The following SDHC variants were observed in gnomAD, a reference collection of about 807,000 sequenced individuals.
The protein encoded by SDHC is succinate dehydrogenase complex subunit C, also known as succinate dehydrogenase cytochrome b560 subunit, mitochondrial.
SDHC carries 11 observed loss-of-function variants against 22.6 expected under a neutral mutation model. The observed-to-expected ratio is 0.49, with a 90% CI of 0.31 to 0.81. The LOEUF (loss-of-function observed/expected upper bound fraction) is 0.81. Ranked by LOEUF, SDHC falls within the 30% of genes least tolerant of loss-of-function variation. SDHC has a pLI of 0.05. For synonymous variants in SDHC, 80 were observed against 77.8 expected (o/e 1.03, Z -0.15); for missense variants, 160 against 212.0 (o/e 0.75, Z 1.52).
chr1:161,358,819 G>A (rs1415422458), intron 5 of SDHC, among the ~76,000 whole-genome samples: 2 of 151,922 alleles, frequency 1.3e-5, no homozygotes, highest in Non-Finnish European at 2.9e-5. Flanking sequence ...CCAGCTACTC[G>A]GGAGGCTGAG....
At chr1:161,333,722 A>G (rs1309955285) in intron 3 of SDHC, among the ~76,000 whole-genome samples, 1 of 152,174 alleles carries the variant, frequency 6.6e-6, no homozygotes, top group African/African-American at 2.4e-5. Flanking sequence ...ATTTTGAGGA[A>G]CTACCAGACT....
chr1:161,328,335 A>T, intron 2 of SDHC, 61 bp from the exon 3 acceptor site: 1 of 1,314,342 alleles, frequency 7.6e-7, no homozygotes, highest in Non-Finnish European at 1.1e-6. Flanking sequence ...ATAAAACGTT[A>T]TGCAAAATAT....
intron 3 of SDHC, among the ~76,000 whole-genome samples, chr1:161,331,353 C>T (rs527331838): frequency 5.9e-5 from 9 of 152,098 alleles, no homozygotes; most frequent in South Asian, 2.1e-4. Flanking sequence ...TTGCAACCTC[C>T]GCCTCCCAGG....
intron 5 of SDHC, among the ~76,000 whole-genome samples, chr1:161,358,627 C>A (rs1174219234): frequency 6.9e-6 from 1 of 144,422 alleles, no homozygotes; most frequent in Non-Finnish European, 1.5e-5. Flanking sequence ...ACAGAGTGAC[C>A]CCATCTAAAA....
intron 3 of SDHC, among the ~76,000 whole-genome samples, chr1:161,332,453 A>G (rs1671311932): frequency 6.6e-6 from 1 of 152,126 alleles, no homozygotes; most frequent in Non-Finnish European, 1.5e-5. Flanking sequence ...ACAAGTTTTT[A>G]ATAACATGTT....
At chr1:161,321,868 C>G (rs562379455) in intron 1 of SDHC, among the ~76,000 whole-genome samples, 4 of 152,078 alleles carry the variant, frequency 2.6e-5, no homozygotes, top group Non-Finnish European at 5.9e-5. Flanking sequence ...TTTGTAGAAT[C>G]AATGTGTTTT....
intron 3 of SDHC, among the ~76,000 whole-genome samples, chr1:161,334,057 T>G: frequency 6.6e-6 from 1 of 152,200 alleles, no homozygotes; most frequent in Non-Finnish European, 1.5e-5. Context: ...TACCTTATAG[T>G]TCTGTGGGTC....
chr1:161,362,224 TG>T, intron 5 of SDHC, 104 bp from the exon 6 acceptor site: 1 of 1,359,298 alleles, frequency 7.4e-7, no homozygotes, highest in Non-Finnish European at 1.0e-6. Context: ...AGAATCATGC[TG>T]AGAGGAGATA....
intron 3 of SDHC, chr1:161,339,580 C>G: frequency 3.2e-6 from 4 of 1,262,666 alleles, no homozygotes; most frequent in Non-Finnish European, 4.1e-6. Context: ...GTGATGCAGT[C>G]TGGTAAAGGT....
Position 161,340,590 on chromosome 1 carries a change from A to G in SDHC, c.180-4A>G. 1.2e-6 allele frequency: 2 copies of G among 1,613,176 alleles called. No homozygotes were observed. Among genetic ancestry groups the G allele is most frequent in the Non-Finnish European group, 8.5e-7 (1 of 1,179,284 alleles). On this transcript the variant is annotated splice_polypyrimidine_tract_variant and splice_region_variant and intron_variant, in intron 3 of 5. Coordinates refer to ENST00000367975, the MANE Select transcript of SDHC (RefSeq NM_003001.5). The stretch of plus-strand genomic sequence containing the variant: ...TAAAATTGTCTTTGTGTGTTTCTTT[A>G]CAGTTGGTCTCTTCCCATGGCGATG...
intron 4 of SDHC, among the ~76,000 whole-genome samples, chr1:161,349,154 G>A (rs1672011927): frequency 6.6e-6 from 1 of 152,066 alleles, no homozygotes; most frequent in South Asian, 2.1e-4. Flanking sequence ...GGTCCTGCAT[G>A]TTTTGGGTAG....
intron 1 of SDHC, among the ~76,000 whole-genome samples, chr1:161,315,674 A>G (rs546033087): frequency 1.3e-5 from 2 of 152,180 alleles, no homozygotes; most frequent in Admixed American, 1.3e-4. Context: ...GTGTATCCAT[A>G]CAGTATCATT....
intron 3 of SDHC, among the ~76,000 whole-genome samples, chr1:161,338,935 G>GC (rs967224041): frequency 6.6e-6 from 1 of 151,892 alleles, no homozygotes; most frequent in African/African-American, 2.4e-5. Context: ...GCCAAACTCC[G>GC]CCCCCCGGAT....
At chr1:161,358,519 C>T (rs1324289121) in intron 5 of SDHC, among the ~76,000 whole-genome samples, 1 of 151,962 alleles carries the variant, frequency 6.6e-6, no homozygotes, top group Non-Finnish European at 1.5e-5. Flanking sequence ...CGCCTGTGGT[C>T]CCAGCTACCC....
At chr1:161,339,006 G>A (rs1213292615) in intron 3 of SDHC, among the ~76,000 whole-genome samples, 3 of 151,528 alleles carry the variant, frequency 2.0e-5, no homozygotes, top group Admixed American at 1.3e-4. Context: ...GCACCACCAC[G>A]CCTGGCTAAA....
chr1:161,328,408 G>A lies in SDHC; in HGVS notation c.90G>A (p.Leu30=), dbSNP rs780791443. The change falls in exon 3 of 6, where the codon TTG becomes TTA. Residue 30 remains leucine (L), a synonymous_variant. Transcript: ENST00000367975. ...PQLCIRNAVP[L]GTTAKEEMER... is the part of the protein sequence containing the mutation. ...GGTTTTATTTTAGTGCTGTTCCTTT[G>A]GGAACCACGGCCAAAGAAGAGATGG... is the stretch of plus-strand genomic sequence containing the variant. 6.2e-7 allele frequency: 1 copy of A among 1,612,520 alleles called. No individual in the cohort carries two copies. The highest frequency in any genetic ancestry group is 1.7e-5 in the Admixed American group (1 of 60,014).
chr1:161,341,878 G>A (rs1196557220), intron 4 of SDHC, among the ~76,000 whole-genome samples: 1 of 151,828 alleles, frequency 6.6e-6, no homozygotes, highest in Non-Finnish European at 1.5e-5. Flanking sequence ...GACTGCATCT[G>A]TCTGTATTTT....
Position 161,323,665 on chromosome 1 carries a change from C to A in SDHC, c.72C>A (p.Ile24=). 1 of 1,610,016 alleles carries A rather than the reference C, an allele frequency of 6.2e-7. No homozygotes were observed. The highest frequency in any genetic ancestry group is 8.5e-7 in the Non-Finnish European group (1 of 1,176,930). ...LRAHFSPQLC[I]RNAVPLGTTA... ...CCCACTTTAGCCCTCAGCTCTGTAT[C>A]AGAAAGTAAGTTTCTAAGTCTGGAG... The change falls in exon 2 of 6, where the codon ATC becomes ATA. Residue 24 remains isoleucine (I), a synonymous_variant. Coordinates refer to ENST00000367975, the MANE Select transcript of SDHC (RefSeq NM_003001.5).
chr1:161,325,337 G>T (rs1671010545), intron 2 of SDHC, among the ~76,000 whole-genome samples: 1 of 142,752 alleles, frequency 7.0e-6, no homozygotes, highest in Non-Finnish European at 1.5e-5. Context: ...GGGATACCCT[G>T]TCTCAATAAA....
Sources: gnomAD v4.1 joint callset for allele counts (sites outside exome capture counted in the v4.1 genomes callset) on GRCh38, gnomAD v4.1.1 for gene constraint, MANE v1.5 for transcripts, NCBI Gene and HGNC (gene_info 2026-07-23, HGNC 2026-07-21) for gene names.